Variants in NLRP11 observed in about 807,000 individuals in gnomAD.
The protein encoded by NLRP11 is NLR family pyrin domain containing 11.
In NLRP11, 53 loss-of-function variants were observed where a neutral mutation model predicts 79.3. That is an observed-to-expected ratio of 0.67 (90% CI 0.54 to 0.84). The LOEUF is 0.84. Among genes scored for constraint, NLRP11 ranks in the 40% least tolerant of loss-of-function variants. NLRP11 has a pLI of 0.00. For missense variants in NLRP11, 1,264 were observed against 1,255.0 expected (o/e 1.01, Z -0.11); for synonymous variants, 518 against 462.6 (o/e 1.12, Z -1.54).
chr19:55,793,246 C>G (rs1271572756), intron 6 of NLRP11, among the ~76,000 whole-genome samples: 1 of 151,930 alleles, frequency 6.6e-6, no homozygotes, highest in Non-Finnish European at 1.5e-5. Context: ...GTGAGCTGCA[C>G]TTTTTTCCTA....
exon 5 of NLRP11, chr19:55,801,589 G>A (rs375858408): frequency 7.6e-5 from 123 of 1,613,870 alleles, no homozygotes; most frequent in Non-Finnish European, 9.9e-5. Flanking sequence ...GACTTATTTG[G>A]CATGTGGGCT....
intron 4 of NLRP11, among the ~76,000 whole-genome samples, chr19:55,806,261 C>G (rs1241978258): frequency 1.3e-5 from 2 of 152,178 alleles, no homozygotes; most frequent in Non-Finnish European, 2.9e-5. Context: ...ATGAACGACA[C>G]CCACATTTTA....
intron 7 of NLRP11, among the ~76,000 whole-genome samples, chr19:55,791,337 T>G (rs1202876218): frequency 6.6e-6 from 1 of 152,228 alleles, no homozygotes; most frequent in Non-Finnish European, 1.5e-5. Context: ...CTAAACTGCC[T>G]TGTCAAAGGA....
At chr19:55,823,644 A>G (rs199629721) in intron 1 of NLRP11, among the ~76,000 whole-genome samples, 11,595 of 147,486 alleles carry the variant, frequency 0.079, 1,062 homozygotes, top group East Asian at 0.14. Context: ...GATACGATCA[A>G]CTGGAAGAAA....
At chr19:55,824,452 A>T (rs1396738596) in intron 1 of NLRP11, among the ~76,000 whole-genome samples, 1 of 141,860 alleles carries the variant, frequency 7.0e-6, no homozygotes, top group African/African-American at 2.8e-5. Context: ...TTCTCCAATT[A>T]AAAGACACAG....
exon 3 of NLRP11, chr19:55,810,182 G>A (rs899899978): frequency 1.2e-6 from 2 of 1,614,024 alleles, no homozygotes; most frequent in Non-Finnish European, 1.7e-6. Flanking sequence ...ATTGTTTGCT[G>A]AATAATAGCT....
chr19:55,835,142 C>T (rs1983125388), upstream of NLRP11, among the ~76,000 whole-genome samples: 1 of 152,058 alleles, frequency 6.6e-6, no homozygotes, highest in Non-Finnish European at 1.5e-5. Context: ...CTCTGCACTC[C>T]TTGATGTGTA....
intron 9 of NLRP11, among the ~76,000 whole-genome samples, chr19:55,788,193 C>G (rs1456489538): frequency 6.6e-6 from 1 of 152,094 alleles, no homozygotes; most frequent in African/African-American, 2.4e-5. Flanking sequence ...TATTTTTATT[C>G]TCTCGTAATG....
intron 6 of NLRP11, among the ~76,000 whole-genome samples, chr19:55,794,265 GAAAAGAAA>G (rs1380649753): frequency 2.6e-5 from 4 of 151,558 alleles, no homozygotes; most frequent in African/African-American, 9.7e-5. Flanking sequence ...GAACCAGTGG[GAAAAGAAA>G]AAAAGAAAAA....
At chr19:55,785,792 G>C (rs780686846) in exon 10 of NLRP11, 1 of 1,614,100 alleles carries the variant, frequency 6.2e-7, no homozygotes, top group African/African-American at 1.3e-5. Flanking sequence ...GTTTCAGACA[G>C]AAAGATCAAA....
chr19:55,817,670 G>A (rs982599215), intron 2 of NLRP11, among the ~76,000 whole-genome samples: 1 of 152,128 alleles, frequency 6.6e-6, no homozygotes. Flanking sequence ...GGACTCGGCG[G>A]GAAGTGTGAG....
At chr19:55,818,428 A>C (rs1052882725) in intron 1 of NLRP11, among the ~76,000 whole-genome samples, 192 bp from the exon 2 acceptor site, 6 of 152,182 alleles carry the variant, frequency 3.9e-5, no homozygotes, top group African/African-American at 1.4e-4. Flanking sequence ...GGTTCTGTTA[A>C]GGTGGAACAT....
chr19:55,808,970 T>C (rs1316821700), exon 3 of NLRP11: 2 of 1,614,002 alleles, frequency 1.2e-6, no homozygotes, highest in African/African-American at 2.7e-5. Flanking sequence ...ATAGAGACAG[T>C]AAAACAAAGG....
chr19:55,785,963 T>TA (rs1470681442), intron 9 of NLRP11, 92 bp from the exon 10 acceptor site: 10 of 1,338,794 alleles, frequency 7.5e-6, no homozygotes, highest in Non-Finnish European at 1.0e-5. Context: ...TGGCATCCTT[T>TA]GGGTATTCTT....
In NLRP11 at chr19:55,823,017, G is replaced by C. The variant is rs1272157916; in HGVS notation, c.-62-4781C>G. 3.3e-5 allele frequency among the ~76,000 whole-genome samples: 5 copies of C among 150,808 alleles called. No individual in the cohort carries two copies. The South Asian group carries it at 8.3e-4, about 25-fold the overall frequency. On this transcript the variant is annotated intron_variant, in intron 1 of 9. Transcript: ENST00000589093. ...TCTGCAGACTTAAATGTCCCTGTCT[G>C]ACAGCTTTGAAGAGAGCAGTGGTTC...
intron 3 of NLRP11, among the ~76,000 whole-genome samples, chr19:55,808,417 G>T (rs752877186): frequency 2.6e-5 from 4 of 152,122 alleles, no homozygotes; most frequent in Non-Finnish European, 5.9e-5. Flanking sequence ...CAATTCTGCC[G>T]CTAAGCAGAC....
At chr19:55,811,404 C>T (rs896284959) in intron 2 of NLRP11, among the ~76,000 whole-genome samples, 1 of 152,286 alleles carries the variant, frequency 6.6e-6, no homozygotes, top group Admixed American at 6.5e-5. Context: ...TGGGTAAGGG[C>T]AGGCAAAAGA....
chr19:55,819,522 A>C (rs973819308), intron 1 of NLRP11, among the ~76,000 whole-genome samples: 3 of 152,202 alleles, frequency 2.0e-5, no homozygotes, highest in Non-Finnish European at 4.4e-5. Context: ...GACCCAACAC[A>C]GTCAAGGCTC....
chr19:55,801,306 T>C, intron 5 of NLRP11: 1 of 403,836 alleles, frequency 2.5e-6, no homozygotes, highest in South Asian at 4.5e-5. Flanking sequence ...AGTAGTCTAC[T>C]TCAGAATGAC....
Sources: allele counts gnomAD v4.1 joint callset (sites outside exome capture counted in the v4.1 genomes callset), GRCh38; gene constraint gnomAD v4.1.1; transcripts MANE v1.5; gene names NCBI Gene and HGNC (gene_info 2026-07-23, HGNC 2026-07-21).